CCDC30: variants seen among roughly 807,000 people sequenced by gnomAD.
The protein encoded by CCDC30 is coiled-coil domain containing 30.
CCDC30 carries 70 observed loss-of-function variants against 100.2 expected under a neutral mutation model. The ratio of observed to expected loss-of-function variants is 0.70; its 90% CI spans 0.58 to 0.85. CCDC30 has a LOEUF of 0.85. Ranked by LOEUF, CCDC30 falls within the 40% of genes least tolerant of loss-of-function variation. CCDC30 has a pLI of 0.00. For synonymous variants in CCDC30, 233 were observed against 269.5 expected (o/e 0.86, Z 1.33); for missense variants, 652 against 771.2 (o/e 0.85, Z 1.83).
intron 6 of CCDC30, among the ~76,000 whole-genome samples, chr1:42,551,462 A>G (rs1645250472): frequency 6.6e-6 from 1 of 152,138 alleles, no homozygotes; most frequent in Admixed American, 6.5e-5. Context: ...ATTAAGAACT[A>G]CAACAGGAGG....
intron 6 of CCDC30, among the ~76,000 whole-genome samples, chr1:42,512,010 T>C (rs11210658): frequency 0.35 from 52,909 of 152,086 alleles, 9,376 homozygotes; most frequent in East Asian, 0.39. Flanking sequence ...GTGATAAACA[T>C]TGTTTCTATA....
In CCDC30 at chr1:42,516,865, T is replaced by C. The variant is rs538799192; in HGVS notation, c.456+17949T>C. 4.6e-5 allele frequency among the ~76,000 whole-genome samples: 7 copies of C among 152,334 alleles called. No homozygotes were observed. The South Asian group carries it at 1.4e-3, about 32-fold the overall frequency. Reference sequence around the variant, plus strand: ...TTTTGATTTGCATTTCCCTAGTGATTATTAATGTTAGCATCTTTTGAGGTG... The same window carrying C: ...TTTTGATTTGCATTTCCCTAGTGATCATTAATGTTAGCATCTTTTGAGGTG... On this transcript the variant is annotated intron_variant, in intron 6 of 16. Transcript: ENST00000668663.
intron 6 of CCDC30, among the ~76,000 whole-genome samples, chr1:42,558,513 C>T (rs191379886): frequency 6.6e-6 from 1 of 152,174 alleles, no homozygotes; most frequent in East Asian, 1.9e-4. Flanking sequence ...ACTCATCACC[C>T]CATCCAGCAG....
intron 10 of CCDC30, chr1:42,590,466 G>A (rs1646163662): frequency 6.6e-6 from 1 of 152,258 alleles, no homozygotes; most frequent in Admixed American, 6.6e-5. Flanking sequence ...GGAGGACCAG[G>A]AGCAGTGGCT....
intron 10 of CCDC30, among the ~76,000 whole-genome samples, chr1:42,602,627 A>G (rs1646426684): frequency 2.0e-5 from 3 of 152,238 alleles, no homozygotes; most frequent in African/African-American, 7.2e-5. Flanking sequence ...AACTATATCT[A>G]TTAAAGAAAT....
chr1:42,481,319 T>A (rs1643953582), intron 2 of CCDC30, among the ~76,000 whole-genome samples: 1 of 152,128 alleles, frequency 6.6e-6, no homozygotes, highest in Non-Finnish European at 1.5e-5. Context: ...CTCATACCTG[T>A]AATCCCAGCA....
rs1079495 is a variant in CCDC30 at position 42,624,922 on chromosome 1, C to A, written c.1278-12315C>A. ...TGTAGAATGAGTTTGGAAAGATTTC[C>A]TTCTCCTCTATTTTTCAAAATAGTT... On this transcript the variant is annotated intron_variant, in intron 11 of 16. Coordinates refer to ENST00000668663, the Ensembl canonical transcript of CCDC30. Among the ~76,000 whole-genome samples the A allele has an allele frequency of 3.3e-5, 5 of 152,182 alleles. 1 individual carries two copies. The highest frequency in any genetic ancestry group is 2.4e-5 in the African/African-American group (1 of 41,542).
At chr1:42,613,558 C>A (rs968739952) in intron 11 of CCDC30, among the ~76,000 whole-genome samples, 3 of 152,098 alleles carry the variant, frequency 2.0e-5, no homozygotes, top group Non-Finnish European at 4.4e-5. Context: ...CCGGCCTATT[C>A]ATGTGCTTTC....
At chr1:42,631,227 C>G (rs1570302166) in intron 11 of CCDC30, among the ~76,000 whole-genome samples, 1 of 152,108 alleles carries the variant, frequency 6.6e-6, no homozygotes, top group Non-Finnish European at 1.5e-5. Context: ...AGAGGTACTG[C>G]CTTAATGGTC....
intron 10 of CCDC30, among the ~76,000 whole-genome samples, chr1:42,609,518 G>A (rs1477797278): frequency 6.6e-6 from 1 of 152,146 alleles, no homozygotes. Flanking sequence ...ACTGATTAGT[G>A]TAACTCCCTA....
chr1:42,567,569 T>A (rs1010089381), intron 7 of CCDC30, among the ~76,000 whole-genome samples: 55 of 152,342 alleles, frequency 3.6e-4, no homozygotes, highest in African/African-American at 1.3e-3. Flanking sequence ...CCGGGATTAT[T>A]TGAATAAACC....
chr1:42,625,519 C>T (rs562235932), intron 11 of CCDC30, among the ~76,000 whole-genome samples: 1 of 151,958 alleles, frequency 6.6e-6, no homozygotes, highest in South Asian at 2.1e-4. Flanking sequence ...AAACTTACTG[C>T]TTTTGCTGTA....
At chr1:42,577,621 A>G (rs1311938120) in intron 8 of CCDC30, among the ~76,000 whole-genome samples, 2 of 151,780 alleles carry the variant, frequency 1.3e-5, no homozygotes, top group Non-Finnish European at 2.9e-5. Flanking sequence ...TGGGGTACAT[A>G]GTGATGTTTA....
intron 11 of CCDC30, among the ~76,000 whole-genome samples, chr1:42,620,316 T>C (rs2148656295): frequency 6.6e-6 from 1 of 152,244 alleles, no homozygotes; most frequent in Non-Finnish European, 1.5e-5. Context: ...TGAAATAATA[T>C]CTGCAACAAA....
upstream of CCDC30, among the ~76,000 whole-genome samples, chr1:42,458,792 A>G (rs374110717): frequency 4.4e-4 from 67 of 152,316 alleles, 3 homozygotes; most frequent in South Asian, 0.012. Context: ...GGGATTGGGG[A>G]TGAGGTACTA....
intron 11 of CCDC30, among the ~76,000 whole-genome samples, chr1:42,624,234 C>T (rs969657730): frequency 6.6e-6 from 1 of 151,968 alleles, no homozygotes; most frequent in African/African-American, 2.4e-5. Flanking sequence ...CTTCTGTCCC[C>T]AGTTTCTTGA....
At chr1:42,540,380 G>A (rs961324577) in intron 6 of CCDC30, among the ~76,000 whole-genome samples, 1 of 152,008 alleles carries the variant, frequency 6.6e-6, no homozygotes, top group African/African-American at 2.4e-5. Flanking sequence ...TTATCATCAC[G>A]TTGTACAGTT....
chr1:42,653,594 C>A lies in CCDC30; in HGVS notation c.1922+151C>A. The A allele has an allele frequency of 4.6e-6, 3 of 647,532 alleles. No homozygotes were observed. The East Asian group carries it at 8.2e-5, about 18-fold the overall frequency. The allele number at this position is 647,532 out of a possible 1,614,324, so 40.1% of individuals were successfully genotyped here. On this transcript the variant is annotated intron_variant, in intron 16 of 16. Coordinates refer to ENST00000668663, the Ensembl canonical transcript of CCDC30. ...TTTTCTCTACATGAATTATTTGAAT[C>A]TTCTTCCAATTCCTCCCCTTGCCAC...
intron 11 of CCDC30, 112 bp downstream of exon 15, chr1:42,611,202 G>A (rs1646616550): frequency 8.9e-6 from 5 of 564,656 alleles, no homozygotes; most frequent in Non-Finnish European, 1.5e-5. Context: ...CTTTCAAGAG[G>A]GCCATCATAA....
Sources: gnomAD v4.1 joint callset for allele counts (sites outside exome capture counted in the v4.1 genomes callset) on GRCh38, gnomAD v4.1.1 for gene constraint, MANE v1.5 for transcripts, NCBI Gene and HGNC (gene_info 2026-07-23, HGNC 2026-07-21) for gene names.